The following SIK2 variants were observed in gnomAD, a reference collection of about 807,000 sequenced individuals.
SIK2 encodes the protein salt inducible kinase 2.
Under a neutral mutation model 103.2 loss-of-function variants are expected in SIK2, and 29 were observed. That is an observed-to-expected ratio of 0.28 (90% confidence interval 0.21 to 0.38). The LOEUF (loss-of-function observed/expected upper bound fraction) is 0.38. Among genes scored for constraint, SIK2 ranks in the 10% least tolerant of loss-of-function variants. The probability of loss-of-function intolerance (pLI) is 1.00; values close to 1 mark genes in which losing one functional copy is unlikely to be tolerated. For missense variants in SIK2, 879 were observed against 1,171.0 expected (o/e 0.75, Z 3.64); for synonymous variants, 412 against 446.1 (o/e 0.92, Z 0.96).
rs1565399445 is a variant in SIK2, at chr11:111,723,792, C to G, written c.2444C>G (p.Pro815Arg). Reference sequence around the variant, plus strand: ...GGTCCCCGGGCTGCTCCTCCTCTGCCCACGCAGCTACAGCAGCAGCAGCCG... The same window carrying G: ...GGTCCCCGGGCTGCTCCTCCTCTGCGCACGCAGCTACAGCAGCAGCAGCCG... ...TSGPRAAPPL[P>R]TQLQQQQPPP... Residue 815 changes from proline to arginine, a missense_variant, in exon 15 of 15, where the codon CCC becomes CGC. Around this residue, in one of 7 missense-constraint regions of SIK2, gnomAD observed 375 missense variants for 416.3 expected, o/e 0.90. Transcript: ENST00000304987. The G allele has an allele frequency of 1.9e-6, 3 of 1,613,956 alleles. No individual in the cohort carries two copies. The highest frequency in any genetic ancestry group is 3.3e-4 in the Middle Eastern group (2 of 6,062).
chr11:111,704,182 G>A (rs1238571753), intron 7 of SIK2, among the ~76,000 whole-genome samples: 2 of 152,200 alleles, frequency 1.3e-5, no homozygotes, highest in East Asian at 3.8e-4. Flanking sequence ...TTTGCGCCCA[G>A]TGATGTTTTT....
At chr11:111,715,149 C>T (rs12279374) in intron 9 of SIK2, among the ~76,000 whole-genome samples, 4,428 of 152,306 alleles carry the variant, frequency 0.029, 215 homozygotes, top group African/African-American at 0.099. Flanking sequence ...AGCAGTGCCA[C>T]GCTGGAGCTG....
At chr11:111,630,922 A>G (rs772691144) in intron 3 of SIK2, among the ~76,000 whole-genome samples, 3 of 152,162 alleles carry the variant, frequency 2.0e-5, no homozygotes, top group Non-Finnish European at 4.4e-5. Flanking sequence ...TAGGGTCTAC[A>G]TAGGATTCAG....
At chr11:111,714,673 A>G (rs564959744) in intron 9 of SIK2, among the ~76,000 whole-genome samples, 1 of 152,314 alleles carries the variant, frequency 6.6e-6, no homozygotes, top group African/African-American at 2.4e-5. Context: ...ATTTTCAGAA[A>G]TGGAGAACTA....
At chr11:111,706,552 G>A (rs1316245285) in intron 8 of SIK2, among the ~76,000 whole-genome samples, 1 of 152,136 alleles carries the variant, frequency 6.6e-6, no homozygotes, top group East Asian at 1.9e-4. Context: ...AAAATTTACA[G>A]GATTATAATA....
chr11:111,642,940 C>CT (rs1464825867), intron 3 of SIK2, among the ~76,000 whole-genome samples: 3 of 147,418 alleles, frequency 2.0e-5, no homozygotes, highest in Non-Finnish European at 4.5e-5. Context: ...TGTTGCAACT[C>CT]TATAATTCCC....
At chr11:111,661,186 T>C (rs1942462847) in intron 3 of SIK2, among the ~76,000 whole-genome samples, 1 of 152,176 alleles carries the variant, frequency 6.6e-6, no homozygotes, top group Non-Finnish European at 1.5e-5. Context: ...ATAAGACTAT[T>C]TATGCATCAC....
Position 111,727,399 on chromosome 11 carries a change from T to G in SIK2, c.*3270T>G. On this transcript the variant is annotated 3_prime_UTR_variant, in exon 15 of 15. Transcript: ENST00000304987. The stretch of plus-strand genomic sequence containing the variant: ...CAAGAACTCCCAAGTGTTTAAACCG[T>G]ATGCTGGAGTCAGTGGTTGGGACAG... 3.3e-6 allele frequency: 1 copy of G among 306,122 alleles called. No homozygotes were observed. Among genetic ancestry groups the G allele is most frequent in the East Asian group, 5.9e-5 (1 of 16,894 alleles). 19.0% of individuals were successfully genotyped at this position (306,122 alleles called of 1,614,324 possible). A position where few individuals can be genotyped will look rare whatever the true frequency, so the allele number is the denominator to read the frequency against.
intron 3 of SIK2, among the ~76,000 whole-genome samples, chr11:111,681,751 C>T (rs1348385026): frequency 6.6e-6 from 1 of 152,038 alleles, no homozygotes; most frequent in Non-Finnish European, 1.5e-5. Context: ...AAGAATTTCA[C>T]CTAATAAATG....
chr11:111,656,023 C>CAA (rs11337076), intron 3 of SIK2, among the ~76,000 whole-genome samples: 5 of 121,926 alleles, frequency 4.1e-5, no homozygotes, highest in Non-Finnish European at 5.2e-5. Context: ...ACTAAAAATG[C>CAA]AAAAAAAAAA....
In SIK2 at chr11:111,720,992, G is replaced by T; in HGVS notation, c.1874G>T (p.Gly625Val). 1 of 1,614,132 alleles carries T rather than the reference G, an allele frequency of 6.2e-7. No homozygotes were observed. The highest frequency in any genetic ancestry group is 1.1e-5 in the South Asian group (1 of 91,060). ...GTGCAGTTGTTGTATGAACAAATAGGACCGGAGGCAGACCCTAACCTGGCG... is the reference window on the plus strand; with the variant it reads ...GTGCAGTTGTTGTATGAACAAATAGTACCGGAGGCAGACCCTAACCTGGCG... ...NKVQLLYEQI[G>V]PEADPNLAPA... is the part of the protein sequence containing the mutation. The change falls in exon 12 of 15, where the codon GGA becomes GTA. Residue 625 changes from glycine to valine, a missense_variant. Physicochemically the swap from Gly to Val is moderately radical, Grantham distance 109. Coordinates refer to ENST00000304987, the MANE Select transcript of SIK2 (RefSeq NM_015191.3).
intron 4 of SIK2, among the ~76,000 whole-genome samples, chr11:111,693,617 ATACT>A (rs2135905575): frequency 6.6e-6 from 1 of 152,348 alleles, no homozygotes; most frequent in South Asian, 2.1e-4. Context: ...TTTATAATAA[ATACT>A]TAAATAAGGA....
chr11:111,614,922 T>C (rs1173755750), intron 1 of SIK2, among the ~76,000 whole-genome samples: 3 of 152,072 alleles, frequency 2.0e-5, no homozygotes, highest in African/African-American at 7.2e-5. Flanking sequence ...GCGGATCACC[T>C]GAAGTGAGGA....
intron 3 of SIK2, among the ~76,000 whole-genome samples, chr11:111,647,912 G>GT (rs915834802): frequency 6.6e-5 from 10 of 151,870 alleles, no homozygotes; most frequent in Non-Finnish European, 8.8e-5. Context: ...CATGAAGATG[G>GT]TTTTTTTACT....
intron 3 of SIK2, among the ~76,000 whole-genome samples, chr11:111,639,869 A>G (rs1021793253): frequency 1.3e-5 from 2 of 152,222 alleles, no homozygotes; most frequent in African/African-American, 4.8e-5. Context: ...AGACTGCTCT[A>G]CTAGGAATGA....
At chr11:111,681,533 G>T (rs1942777713) in intron 3 of SIK2, among the ~76,000 whole-genome samples, 1 of 152,010 alleles carries the variant, frequency 6.6e-6, no homozygotes. Context: ...CATTTATTAT[G>T]GTGCTTGAAT....
At chr11:111,716,431 G>C (rs1943643263) in intron 9 of SIK2, among the ~76,000 whole-genome samples, 1 of 152,018 alleles carries the variant, frequency 6.6e-6, no homozygotes, top group Non-Finnish European at 1.5e-5. Flanking sequence ...ACAAAAATTA[G>C]CCAGGCATGG....
chr11:111,650,565 G>A (rs1389569439), intron 3 of SIK2, among the ~76,000 whole-genome samples: 2 of 151,946 alleles, frequency 1.3e-5, no homozygotes, highest in East Asian at 3.8e-4. Context: ...AGAAAGTAAA[G>A]GCCTAGGTAT....
At chr11:111,684,458 A>G (rs183855212) in intron 3 of SIK2, among the ~76,000 whole-genome samples, 2 of 152,278 alleles carry the variant, frequency 1.3e-5, no homozygotes, top group African/African-American at 2.4e-5. Context: ...AAAGTTGTCT[A>G]TTTGGACAAG....
Sources: allele counts gnomAD v4.1 joint callset (sites outside exome capture counted in the v4.1 genomes callset), GRCh38; gene constraint gnomAD v4.1.1; regional missense constraint gnomAD v4.1.1; transcripts MANE v1.5; gene names NCBI Gene and HGNC (gene_info 2026-07-23, HGNC 2026-07-21).